NFIB: variants seen among roughly 807,000 people sequenced by gnomAD.
The protein encoded by NFIB is nuclear factor I B.
A neutral mutation model predicts 61.5 loss-of-function variants in NFIB; 11 were observed. The observed-to-expected ratio is 0.18, with a 90% confidence interval of 0.11 to 0.30. NFIB has a LOEUF of 0.30. Among genes scored for constraint, NFIB ranks in the 10% least tolerant of loss-of-function variants. The pLI, the probability that NFIB is intolerant of heterozygous loss-of-function variation, is 1.00. For synonymous variants in NFIB, 260 were observed against 216.5 expected (o/e 1.20, Z -1.76); for missense variants, 471 against 608.9 (o/e 0.77, Z 2.38).
intron 3 of NFIB, among the ~76,000 whole-genome samples, chr9:14,172,142 G>A (rs926774266): frequency 2.0e-5 from 3 of 152,280 alleles, no homozygotes; most frequent in African/African-American, 7.2e-5. Context: ...TCATTTCAGT[G>A]GGGACAGAAG....
chr9:14,145,129 AG>A (rs35601408), intron 6 of NFIB, among the ~76,000 whole-genome samples: 40,689 of 151,410 alleles, frequency 0.27, 6,887 homozygotes, highest in African/African-American at 0.46. Flanking sequence ...ATTCCGTCTG[AG>A]GGGGGGGTCT....
chr9:14,514,536 A>C, the NFIB span, among the ~76,000 whole-genome samples: 1 of 152,192 alleles, frequency 6.6e-6, no homozygotes, highest in Non-Finnish European at 1.5e-5. Flanking sequence ...AAAGAAGGGA[A>C]TCTTACCTCT....
At chr9:14,476,542 T>C in the NFIB span, among the ~76,000 whole-genome samples, 5 of 152,226 alleles carry the variant, frequency 3.3e-5, no homozygotes, top group Non-Finnish European at 7.3e-5. Flanking sequence ...TACACTATTC[T>C]GTATAGTCCT....
the NFIB span, among the ~76,000 whole-genome samples, chr9:14,502,734 A>G: frequency 6.6e-6 from 1 of 151,922 alleles, no homozygotes; most frequent in South Asian, 2.1e-4. Flanking sequence ...TAATTTGTAA[A>G]TTTGTTTCTA....
intron 2 of NFIB, among the ~76,000 whole-genome samples, chr9:14,190,902 G>A (rs2047877504): frequency 6.6e-6 from 1 of 152,126 alleles, no homozygotes; most frequent in Admixed American, 6.6e-5. Context: ...TTAAAATACA[G>A]ATAATCCTGG....
intron 2 of NFIB, among the ~76,000 whole-genome samples, chr9:14,288,428 AC>A (rs547374782): frequency 6.6e-6 from 1 of 152,240 alleles, no homozygotes; most frequent in East Asian, 1.9e-4. Context: ...TCTTTTATTA[AC>A]TTTTTTTTAA....
intron 1 of NFIB, among the ~76,000 whole-genome samples, chr9:14,380,740 C>T (rs1476192863): frequency 1.3e-5 from 2 of 152,106 alleles, no homozygotes; most frequent in African/African-American, 4.8e-5. Context: ...TATACATGAT[C>T]TCTCATCCAC....
intron 2 of NFIB, among the ~76,000 whole-genome samples, chr9:14,236,587 T>C (rs1164657963): frequency 6.6e-6 from 1 of 152,204 alleles, no homozygotes; most frequent in Non-Finnish European, 1.5e-5. Flanking sequence ...AAGAGGGAAG[T>C]CACTATCCTC....
intron 1 of NFIB, among the ~76,000 whole-genome samples, chr9:14,375,412 C>T (rs2061406737): frequency 6.6e-6 from 1 of 152,194 alleles, no homozygotes; most frequent in Non-Finnish European, 1.5e-5. Context: ...AATCCCAGCA[C>T]TTTGGGAGGC....
intron 5 of NFIB, among the ~76,000 whole-genome samples, chr9:14,147,684 C>T (rs898468618): frequency 5.8e-5 from 7 of 121,500 alleles, no homozygotes; most frequent in African/African-American, 2.2e-4. Flanking sequence ...CTTTCACCTA[C>T]GATGTAGTAC....
the NFIB span, among the ~76,000 whole-genome samples, chr9:14,416,739 A>T: frequency 1.3e-5 from 2 of 152,024 alleles, no homozygotes; most frequent in African/African-American, 4.8e-5. Context: ...AGTGTGGCCC[A>T]AGTGCACAGT....
intron 2 of NFIB, among the ~76,000 whole-genome samples, chr9:14,276,456 G>A (rs1396547012): frequency 6.6e-6 from 1 of 152,124 alleles, no homozygotes; most frequent in East Asian, 1.9e-4. Context: ...AATATGGTTT[G>A]CAATTTAAGG....
the NFIB span, among the ~76,000 whole-genome samples, chr9:14,442,996 A>T: frequency 1.3e-5 from 2 of 151,702 alleles, no homozygotes; most frequent in Non-Finnish European, 2.9e-5. Context: ...TGGCAGGCAA[A>T]TCTTTCACAG....
At chr9:14,110,614 A>C (rs560974233) in intron 10 of NFIB, among the ~76,000 whole-genome samples, 2 of 152,112 alleles carry the variant, frequency 1.3e-5, no homozygotes, top group Non-Finnish European at 2.9e-5. Context: ...TAAAGTAATG[A>C]AAGGACACAG....
At chr9:14,496,886 T>C in the NFIB span, among the ~76,000 whole-genome samples, 1 of 152,256 alleles carries the variant, frequency 6.6e-6, no homozygotes, top group Non-Finnish European at 1.5e-5. Flanking sequence ...CTACGCTTCC[T>C]GCTTAGTTTG....
intron 2 of NFIB, among the ~76,000 whole-genome samples, chr9:14,251,244 C>G (rs2382461): frequency 0.45 from 68,999 of 151,970 alleles, 17,737 homozygotes; most frequent in Non-Finnish European, 0.59. Context: ...GAACCTCCCT[C>G]CAAGCTTTCA....
At chr9:14,295,291 C>CTTTT (rs2059358644) in intron 2 of NFIB, among the ~76,000 whole-genome samples, 3 of 152,166 alleles carry the variant, frequency 2.0e-5, no homozygotes, top group African/African-American at 7.2e-5. Context: ...TACTTTCGGA[C>CTTTT]TTTAAAAAGA....
the NFIB span, among the ~76,000 whole-genome samples, chr9:14,508,733 C>A: frequency 4.6e-5 from 7 of 152,228 alleles, no homozygotes; most frequent in Non-Finnish European, 1.0e-4. Flanking sequence ...TGGTTTTACA[C>A]ATTTCCTTGG....
intron 1 of NFIB, among the ~76,000 whole-genome samples, chr9:14,384,253 G>A (rs1250266828): frequency 6.6e-6 from 1 of 152,136 alleles, no homozygotes; most frequent in Non-Finnish European, 1.5e-5. Context: ...CCCCACCCAA[G>A]TTGTGCTCCA....
Sources: allele counts gnomAD v4.1 joint callset (sites outside exome capture counted in the v4.1 genomes callset), GRCh38; gene constraint gnomAD v4.1.1; transcripts MANE v1.5; gene names NCBI Gene and HGNC (gene_info 2026-07-23, HGNC 2026-07-21).